CAPN5: variants seen among roughly 807,000 people sequenced by gnomAD.
CAPN5 encodes the protein calpain-5.
In CAPN5, 54 loss-of-function variants were observed where a neutral mutation model predicts 73.0. That is an observed-to-expected ratio of 0.74 (90% confidence interval 0.59 to 0.93). The LOEUF (loss-of-function observed/expected upper bound fraction) is 0.93, where lower values mean the gene tolerates loss of function less well. Ranked by LOEUF, CAPN5 falls within the 40% of genes least tolerant of loss-of-function variation. The pLI is 0.00. For missense variants in CAPN5, 785 were observed against 882.9 expected (o/e 0.89, Z 1.41); for synonymous variants, 335 against 356.9 (o/e 0.94, Z 0.69).
At chr11:77,083,329 T>C (rs1555034887) in intron 1 of CAPN5, among the ~76,000 whole-genome samples, 1 of 151,840 alleles carries the variant, frequency 6.6e-6, no homozygotes, top group Non-Finnish European at 1.5e-5. Flanking sequence ...GCCTCTTTCC[T>C]TTCCTGTCTC....
rs1555035164 is a variant in CAPN5 at position 77,084,885 on chromosome 11, C to G, written c.-2C>G. 2 of 1,613,970 alleles carry G rather than the reference C, an allele frequency of 1.2e-6. No homozygotes were observed. The highest frequency in any genetic ancestry group is 1.3e-5 in the African/African-American group (1 of 74,950). Reference sequence around the variant, plus strand: ...CCTCCCCTCCCTGGGGCAGCAGCCACCATGTTCTCGTGTGTGAAGCCCTAT... The same window carrying G: ...CCTCCCCTCCCTGGGGCAGCAGCCAGCATGTTCTCGTGTGTGAAGCCCTAT... On this transcript the variant is annotated 5_prime_UTR_variant, in exon 2 of 13. Coordinates refer to ENST00000648180, the MANE Select transcript of CAPN5 (RefSeq NM_004055.5).
At chr11:77,106,751 A>G (rs1024535844) in intron 3 of CAPN5, among the ~76,000 whole-genome samples, 1 of 152,184 alleles carries the variant, frequency 6.6e-6, no homozygotes, top group African/African-American at 2.4e-5. Flanking sequence ...TCTCTCAGTT[A>G]TCCGTGGGTG....
At chr11:77,113,455 G>A (rs1950432583) in intron 4 of CAPN5, among the ~76,000 whole-genome samples, 2 of 152,216 alleles carry the variant, frequency 1.3e-5, no homozygotes, top group Non-Finnish European at 2.9e-5. Context: ...AGGGAGGAGG[G>A]GCAGTGGGGT....
In CAPN5 at chr11:77,122,582, ACT is replaced by A; in HGVS notation, c.1613_1614del (p.Ser538LeufsTer7). ...TCCCACTCCCTCTCCCTAGGGGCTA[ACT>A]CTTATGTGATCATCAAGTGTGAGGG... On this transcript the variant is annotated frameshift_variant, in exon 12 of 13. Transcript: ENST00000648180. LOFTEE classifies it high-confidence loss of function. 6.2e-7 allele frequency: 1 copy of A among 1,610,518 alleles called. No homozygotes were observed. Among genetic ancestry groups the A allele is most frequent in the South Asian group, 1.1e-5 (1 of 90,694 alleles).
chr11:77,118,985 T>G (rs782068181), intron 8 of CAPN5, 45 bp from the exon 9 acceptor site: 34 of 1,577,258 alleles, frequency 2.2e-5, no homozygotes, highest in Non-Finnish European at 8.6e-7. Flanking sequence ...ATGCCTGGTG[T>G]GGTCTCATTG....
intron 2 of CAPN5, among the ~76,000 whole-genome samples, chr11:77,088,340 C>T (rs2135428665): frequency 6.6e-6 from 1 of 152,266 alleles, no homozygotes; most frequent in South Asian, 2.1e-4. Flanking sequence ...AACATAAGGC[C>T]TTTTCGTGCC....
chr11:77,084,914 G>T lies in CAPN5; in HGVS notation c.28G>T (p.Asp10Tyr), dbSNP rs782200952. The T allele has an allele frequency of 1.2e-6, 2 of 1,614,076 alleles. No individual in the cohort carries two copies. Residue 10 changes from aspartate to tyrosine, a missense_variant, in exon 2 of 13, where the codon GAC becomes TAC. By Grantham distance (160) the Asp-to-Tyr change is radical (BLOSUM62 -3). Transcript: ENST00000648180. ...GTTCTCGTGTGTGAAGCCCTATGAG[G>T]ACCAGAACTACTCAGCCCTGAGGCG... Reference protein sequence around the residue: MFSCVKPYEDQNYSALRRDC... With the variant: MFSCVKPYEYQNYSALRRDC...
Position 77,097,077 on chromosome 11 carries a change from C to T in CAPN5, c.297+3264C>T, listed in dbSNP as rs1002815247. 4.6e-5 allele frequency among the ~76,000 whole-genome samples: 7 copies of T among 152,142 alleles called. No homozygotes were observed. The South Asian group carries it at 1.0e-3, about 22-fold the overall frequency. On this transcript the variant is annotated intron_variant, in intron 3 of 12. Coordinates refer to ENST00000648180, the MANE Select transcript of CAPN5 (RefSeq NM_004055.5). ...CTCTACTAAAAATACAAAAAATTAG[C>T]CAGGCGTGGTGGTGGGCGCCTGTAG...
rs1054327092 is a variant in CAPN5 at position 77,124,156 on chromosome 11, A to G, written c.*286A>G. The stretch of plus-strand genomic sequence containing the variant: ...CTCTATCCATTGAGCACATTTTCCT[A>G]AGGCCCTGCTGTCTGCCGAGGAGCG... On this transcript the variant is annotated 3_prime_UTR_variant, in exon 13 of 13. Transcript: ENST00000648180. The G allele has an allele frequency of 7.2e-5, 30 of 414,750 alleles. No homozygotes were observed. The highest frequency in any genetic ancestry group is 1.1e-4 in the Non-Finnish European group (26 of 230,416). The allele number at this position is 414,750 out of a possible 1,614,324, so 25.7% of individuals were successfully genotyped here. A position where few individuals can be genotyped will look rare whatever the true frequency, so the allele number is the denominator to read the frequency against.
In CAPN5 at chr11:77,121,949, T is replaced by G; in HGVS notation, c.1503T>G (p.Asp501Glu). Residue 501 changes from aspartate (D) to glutamate (E), a missense_variant, in exon 11 of 13, where the codon GAT (aspartate) becomes GAG (glutamate). Asp to Glu is a conservative substitution (Grantham distance 45). Transcript: ENST00000648180. Reference sequence around the variant, plus strand: ...CCCATATCAGGGAGCTGCGCCTGGATGAGCCCCCACACACCTGCTGGAGCT... The same window carrying G: ...CCCATATCAGGGAGCTGCGCCTGGAGGAGCCCCCACACACCTGCTGGAGCT... The part of the protein sequence containing the change: ...VPSNCRELRL[D>E]EPPHTCWSSL... The G allele has an allele frequency of 3.9e-6, 6 of 1,551,844 alleles. No homozygotes were observed. Among genetic ancestry groups the G allele is most frequent in the Non-Finnish European group, 5.2e-6 (6 of 1,147,366 alleles).
intron 1 of CAPN5, among the ~76,000 whole-genome samples, chr11:77,067,333 C>CT (rs71043541): frequency 0.52 from 76,386 of 147,940 alleles, 21,108 homozygotes; most frequent in Middle Eastern, 0.65. Context: ...GGCGAGGAGT[C>CT]TTTTTTTCAC....
rs1381682741 is a variant in CAPN5 at position 77,114,173 on chromosome 11, C to G, written c.507-69C>G. On this transcript the variant is annotated intron_variant, in intron 4 of 12. Transcript: ENST00000648180. ...ACCCCTCTGAGTTTCAAAAACCTCC[C>G]CTATGAGGTAAAGGATGCAGCCTGG... is the stretch of plus-strand genomic sequence containing the variant. 3.4e-6 allele frequency: 5 copies of G among 1,469,154 alleles called. No individual in the cohort carries two copies. The East Asian group carries it at 9.1e-5, about 27-fold the overall frequency. 91.0% of individuals were successfully genotyped at this position (1,469,154 alleles called of 1,614,324 possible).
Position 77,112,772 on chromosome 11 carries a change from G to A in CAPN5, c.481G>A (p.Ala161Thr), listed in dbSNP as rs145584161. 3.5e-5 allele frequency: 57 copies of A among 1,614,120 alleles called. No homozygotes were observed. Among genetic ancestry groups the A allele is most frequent in the Non-Finnish European group, 4.4e-5 (52 of 1,180,050 alleles). The change falls in exon 4 of 13, where the codon GCC (alanine) becomes ACC (threonine). Residue 161 changes from alanine (A) to threonine (T), a missense_variant. Physicochemically the swap from Ala to Thr is moderately conservative, Grantham distance 58. Coordinates refer to ENST00000648180, the MANE Select transcript of CAPN5 (RefSeq NM_004055.5). ...CAACTCCCGCAATGAGTTTTGGTGC[G>A]CCCTAGTGGAGAAGGCCTATGCCAA... ...HSNSRNEFWC[A>T]LVEKAYAKLA... is the part of the protein sequence containing the mutation.
rs145836046 is a variant in CAPN5 at position 77,120,547 on chromosome 11, C to T, written c.1291-166C>T. The T allele has an allele frequency of 2.1e-4, 117 of 549,028 alleles. 2 individuals carry two copies. Among genetic ancestry groups the T allele is most frequent in the East Asian group, 1.1e-3 (39 of 34,182 alleles). The allele number at this position is 549,028 out of a possible 1,614,324, so 34.0% of individuals were successfully genotyped here. The stretch of plus-strand genomic sequence containing the variant: ...TTCCCATTGACCTCTTCCCTTCAGC[C>T]CTGGGCAAACACGAATCCGCTTCTG... On this transcript the variant is annotated intron_variant, in intron 9 of 12. Coordinates refer to ENST00000648180, the MANE Select transcript of CAPN5 (RefSeq NM_004055.5).
intron 3 of CAPN5, among the ~76,000 whole-genome samples, chr11:77,107,225 G>GA (rs782784407): frequency 6.6e-6 from 1 of 152,164 alleles, no homozygotes; most frequent in African/African-American, 2.4e-5. Context: ...GAGAGCTGAG[G>GA]AATCTCAGAT....
At chr11:77,099,466 G>A (rs533106574) in intron 3 of CAPN5, among the ~76,000 whole-genome samples, 3 of 149,272 alleles carry the variant, frequency 2.0e-5, no homozygotes, top group Middle Eastern at 3.5e-3. Flanking sequence ...ACGAGACTCC[G>A]TCTGCAATCC....
intron 1 of CAPN5, among the ~76,000 whole-genome samples, chr11:77,070,592 G>A (rs373095813): frequency 6.6e-5 from 10 of 152,148 alleles, no homozygotes; most frequent in South Asian, 2.1e-4. Context: ...ATGACACCCC[G>A]GCTCCCATTA....
Position 77,068,979 on chromosome 11 carries a change from T to C in CAPN5, c.-36+1885T>C, listed in dbSNP as rs549261349. On this transcript the variant is annotated intron_variant, in intron 1 of 12. Transcript: ENST00000648180. ...ACTGCTCCCAGGCCAGCACTGTCTCTGTCTGCTTCTGCGCCTGCTTTCCTG... is the reference window on the plus strand; with the variant it reads ...ACTGCTCCCAGGCCAGCACTGTCTCCGTCTGCTTCTGCGCCTGCTTTCCTG... 1.6e-3 allele frequency among the ~76,000 whole-genome samples: 251 copies of C among 152,296 alleles called. 2 individuals are homozygous for C. The highest frequency in any genetic ancestry group is 3.0e-3 in the Non-Finnish European group (207 of 67,998).
At chr11:77,116,074 G>T in intron 6 of CAPN5, 152 bp from the exon 7 acceptor site, 1 of 678,228 alleles carries the variant, frequency 1.5e-6, no homozygotes, top group Non-Finnish European at 2.6e-6. Flanking sequence ...CTGGAGAGGG[G>T]CTGGGCATGG....
Sources: gnomAD v4.1 joint callset for allele counts (sites outside exome capture counted in the v4.1 genomes callset) on GRCh38, gnomAD v4.1.1 for gene constraint, MANE v1.5 for transcripts, NCBI Gene and HGNC (gene_info 2026-07-23, HGNC 2026-07-21) for gene names.